FBXO34: variants seen among roughly 807,000 people sequenced by gnomAD.
FBXO34 encodes the protein F-box only protein 34.
A neutral mutation model predicts 24.5 loss-of-function variants in FBXO34; 12 were observed. That is an observed-to-expected ratio of 0.49 (90% confidence interval 0.31 to 0.79). The LOEUF is 0.79. Among genes scored for constraint, FBXO34 ranks in the 30% least tolerant of loss-of-function variants. The pLI is 0.04. For synonymous variants in FBXO34, 320 were observed against 311.9 expected (o/e 1.03, Z -0.27); for missense variants, 823 against 857.7 (o/e 0.96, Z 0.51).
chr14:55,365,320 C>T (rs992718940), downstream of FBXO34, among the ~76,000 whole-genome samples: 4 of 151,966 alleles, frequency 2.6e-5, no homozygotes, highest in African/African-American at 7.3e-5. Context: ...TGCCTTTGGC[C>T]TCCTAAAGTG....
At position 55,331,778 on chromosome 14, in the gene FBXO34, TACCACC is replaced by T; in HGVS notation, c.-10-18601_-10-18596del. 6.8e-5 allele frequency among the ~76,000 whole-genome samples: 5 copies of T among 73,980 alleles called. 2 individuals carry two copies. The highest frequency in any genetic ancestry group is 3.4e-4 in the African/African-American group (5 of 14,536). 48.5% of individuals were successfully genotyped at this position (73,980 alleles called of 152,430 possible). Reference sequence around the variant, plus strand: ...ATATATATGTATATATATATATATATACCACCATGGTGTATATATAAATATATATAT... The same window carrying T: ...ATATATATGTATATATATATATATATATGGTGTATATATAAATATATATAT... On this transcript the variant is annotated intron_variant, in intron 1 of 1. Transcript: ENST00000313833.
At chr14:55,284,761 A>G (rs1254963343) in intron 1 of FBXO34, among the ~76,000 whole-genome samples, 2 of 148,886 alleles carry the variant, frequency 1.3e-5, no homozygotes. Context: ...GACTACAGGC[A>G]TGTGCCACCA....
At chr14:55,287,455 A>C (rs1881800781) in intron 1 of FBXO34, among the ~76,000 whole-genome samples, 1 of 152,196 alleles carries the variant, frequency 6.6e-6, no homozygotes, top group South Asian at 2.1e-4. Flanking sequence ...AAATAACAGT[A>C]AAAAGTATGA....
At chr14:55,308,877 G>A (rs948084612) in intron 1 of FBXO34, among the ~76,000 whole-genome samples, 5 of 152,138 alleles carry the variant, frequency 3.3e-5, no homozygotes, top group African/African-American at 1.2e-4. Context: ...CTGAAATGTA[G>A]CATTTCTTTC....
At chr14:55,304,347 C>CT (rs962737263) in intron 1 of FBXO34, among the ~76,000 whole-genome samples, 22 of 151,426 alleles carry the variant, frequency 1.5e-4, no homozygotes, top group African/African-American at 5.1e-4. Context: ...TTCTCTTTTA[C>CT]TTTTTTTTTA....
At chr14:55,429,247 G>A in the FBXO34 span, among the ~76,000 whole-genome samples, 2 of 152,310 alleles carry the variant, frequency 1.3e-5, no homozygotes, top group East Asian at 1.9e-4. Flanking sequence ...TTACTTGGGT[G>A]TTATTTGCTA....
At chr14:55,308,088 G>C (rs568213988) in intron 1 of FBXO34, among the ~76,000 whole-genome samples, 4 of 152,204 alleles carry the variant, frequency 2.6e-5, no homozygotes, top group Non-Finnish European at 4.4e-5. Context: ...GCGTGTTGCC[G>C]TGTAAGAGTG....
chr14:55,304,149 A>G (rs1484243362), intron 1 of FBXO34, among the ~76,000 whole-genome samples: 6 of 152,156 alleles, frequency 3.9e-5, no homozygotes, highest in African/African-American at 1.4e-4. Context: ...CTCTAAGTCT[A>G]TGTTTATGCT....
At chr14:55,400,557 G>C in the FBXO34 span, among the ~76,000 whole-genome samples, 2 of 152,142 alleles carry the variant, frequency 1.3e-5, no homozygotes, top group East Asian at 3.8e-4. Flanking sequence ...CAAGTGAATA[G>C]CCTAGTGCAC....
chr14:55,322,745 A>G (rs1566555368), intron 1 of FBXO34, among the ~76,000 whole-genome samples: 1 of 152,096 alleles, frequency 6.6e-6, no homozygotes, highest in Non-Finnish European at 1.5e-5. Context: ...TTTAACGTTT[A>G]TATTTAGATA....
chr14:55,380,441 A>C, the FBXO34 span: 1 of 629,792 alleles, frequency 1.6e-6, no homozygotes, highest in Non-Finnish European at 2.8e-6. Context: ...ATTAATCTCA[A>C]TATTTCAATC....
the FBXO34 span, among the ~76,000 whole-genome samples, chr14:55,432,537 A>T: frequency 6.6e-6 from 1 of 151,732 alleles, no homozygotes; most frequent in Non-Finnish European, 1.5e-5. Context: ...CAAAAACAAA[A>T]GATAAATCTC....
At chr14:55,439,659 G>C in the FBXO34 span, among the ~76,000 whole-genome samples, 1 of 140,388 alleles carries the variant, frequency 7.1e-6, no homozygotes, top group African/African-American at 2.7e-5. Context: ...AGCCGGGCAT[G>C]GTGGCTCACG....
In FBXO34 at chr14:55,352,519, A is replaced by G. The variant is rs1189196493; in HGVS notation, c.2129A>G (p.Glu710Gly). The change falls in exon 2 of 2, where the codon GAA (glutamate) becomes GGA (glycine). Residue 710 changes from glutamate to glycine, a missense_variant. Glu to Gly is a moderately conservative substitution (Grantham distance 98). Coordinates refer to ENST00000313833, the MANE Select transcript of FBXO34 (RefSeq NM_017943.4). ...KKAKGTEAEE[E>G]Y ...GCAAAAGGGACTGAAGCTGAAGAGG[A>G]ATACTAAAGTCCATGTGAGAGGCAA... The G allele has an allele frequency of 6.2e-7, 1 of 1,601,740 alleles. No homozygotes were observed. The highest frequency in any genetic ancestry group is 8.5e-7 in the Non-Finnish European group (1 of 1,174,080).
chr14:55,351,997 C>T lies in FBXO34; in HGVS notation c.1607C>T (p.Ser536Phe), dbSNP rs1271990283. 4 of 1,614,182 alleles carry T rather than the reference C, an allele frequency of 2.5e-6. No individual in the cohort carries two copies. Among genetic ancestry groups the T allele is most frequent in the Admixed American group, 3.3e-5 (2 of 60,022 alleles). ...GCTGAGCCATTTGTACTGCCAGCCT[C>T]TTCTGTGGAAAGTACATTACCAGTG... The part of the protein sequence containing the change: ...GSAEPFVLPA[S>F]SVESTLPVLE... Residue 536 changes from serine (S) to phenylalanine (F), a missense_variant, in exon 2 of 2, where the codon TCT becomes TTT. By Grantham distance (155) the Ser-to-Phe change is radical. Around this residue, in one of 2 missense-constraint regions of FBXO34, gnomAD observed 693 missense variants for 659.1 expected, o/e 1.05. Transcript: ENST00000313833.
chr14:55,435,787 A>G, the FBXO34 span: 14 of 1,245,990 alleles, frequency 1.1e-5, no homozygotes, highest in Non-Finnish European at 1.5e-5. Context: ...TCATGATCAT[A>G]TTAAGAAAAG....
chr14:55,329,588 G>A (rs1427167170), intron 1 of FBXO34, among the ~76,000 whole-genome samples: 1 of 152,138 alleles, frequency 6.6e-6, no homozygotes, highest in Non-Finnish European at 1.5e-5. Context: ...TATTTTTGAG[G>A]AGTCATCTGA....
intron 1 of FBXO34, among the ~76,000 whole-genome samples, chr14:55,293,490 A>G (rs988440457): frequency 6.6e-6 from 1 of 152,206 alleles, no homozygotes; most frequent in African/African-American, 2.4e-5. Flanking sequence ...GCACTAGGTA[A>G]AGAAACTTTG....
chr14:55,313,482 A>G (rs983329005), intron 1 of FBXO34, among the ~76,000 whole-genome samples: 1 of 152,166 alleles, frequency 6.6e-6, no homozygotes, highest in Non-Finnish European at 1.5e-5. Flanking sequence ...GGGTATTTTT[A>G]TAGCGCGGTG....
Sources: allele counts gnomAD v4.1 joint callset (sites outside exome capture counted in the v4.1 genomes callset), GRCh38; gene constraint gnomAD v4.1.1; regional missense constraint gnomAD v4.1.1; transcripts MANE v1.5; gene names NCBI Gene and HGNC (gene_info 2026-07-23, HGNC 2026-07-21).